The following CFAP299 variants were observed in gnomAD, a reference collection of about 807,000 sequenced individuals.
The protein encoded by CFAP299 is cilia and flagella associated protein 299.
In CFAP299, 21 loss-of-function variants were observed where a neutral mutation model predicts 27.0. The ratio of observed to expected loss-of-function variants is 0.78; its 90% CI spans 0.55 to 1.12. The LOEUF (loss-of-function observed/expected upper bound fraction) is 1.12. Ranked by LOEUF, CFAP299 falls within the 50% of genes most tolerant of loss-of-function variation. The pLI is 0.00. For synonymous variants in CFAP299, 104 were observed against 98.1 expected, an observed-to-expected ratio of 1.06 and a Z score of -0.36; for missense variants, 310 against 276.6, an observed-to-expected ratio of 1.12 and a Z score of -0.86.
chr4:80,440,525 G>A (rs1728307752), intron 2 of CFAP299, among the ~76,000 whole-genome samples: 1 of 152,096 alleles, frequency 6.6e-6, no homozygotes, highest in Non-Finnish European at 1.5e-5. Context: ...CAAAAAGGAT[G>A]CCCACGCAAA....
chr4:80,902,586 TACACACACAC>T (rs3038572), intron 4 of CFAP299, among the ~76,000 whole-genome samples: 60 of 126,694 alleles, frequency 4.7e-4, no homozygotes, highest in South Asian at 2.7e-3. Context: ...ATGTAATATA[TACACACACAC>T]ACACACACAC....
intron 2 of CFAP299, chr4:80,386,886 A>G (rs1725038963): frequency 1.2e-6 from 1 of 847,010 alleles, no homozygotes; most frequent in African/African-American, 1.6e-5. Context: ...GGACTCGCAC[A>G]CCGAGCATTT....
chr4:80,401,760 C>A (rs1252483229), intron 2 of CFAP299, among the ~76,000 whole-genome samples: 1 of 152,142 alleles, frequency 6.6e-6, no homozygotes, highest in Non-Finnish European at 1.5e-5. Context: ...TCCTCCAGTT[C>A]CCAGAATCGT....
chr4:80,391,292 A>G (rs1385340688), intron 2 of CFAP299, among the ~76,000 whole-genome samples: 1 of 152,142 alleles, frequency 6.6e-6, no homozygotes, highest in Admixed American at 6.6e-5. Context: ...GAGAATCTTC[A>G]TAGTATTTTG....
rs756154032 is a variant in CFAP299, at chr4:80,944,971, T to G, written c.606+32T>G. The G allele has an allele frequency of 5.1e-6, 8 of 1,580,356 alleles. No individual in the cohort carries two copies. The East Asian group carries it at 1.8e-4, about 35-fold the overall frequency. On this transcript the variant is annotated intron_variant, in intron 5 of 5. Coordinates refer to ENST00000358105, the MANE Select transcript of CFAP299 (RefSeq NM_152770.3). ...CTTCTTTTACACTTAGTTAGTTACC[T>G]CTTCACATGTTATTGTATTTCTGCC...
rs180821844 is a variant in CFAP299 at position 80,707,341 on chromosome 4, T to A, written c.333+124158T>A. Among the ~76,000 whole-genome samples the A allele has an allele frequency of 1.2e-3, 177 of 152,088 alleles. 1 individual carries two copies. The highest frequency in any genetic ancestry group is 3.4e-3 in the Middle Eastern group (1 of 294). ...AGAATATTTTATGACACATGAAAATTATATTCAAATTTCAGTGTCCATAAA... is the reference window on the plus strand; with the variant it reads ...AGAATATTTTATGACACATGAAAATAATATTCAAATTTCAGTGTCCATAAA... On this transcript the variant is annotated intron_variant, in intron 3 of 5. Transcript: ENST00000358105.
intron 3 of CFAP299, among the ~76,000 whole-genome samples, chr4:80,737,093 C>G (rs1036952273): frequency 6.8e-6 from 1 of 146,754 alleles, no homozygotes; most frequent in African/African-American, 2.5e-5. Context: ...TATTCTCACT[C>G]ATAGGTGGGA....
intron 2 of CFAP299, among the ~76,000 whole-genome samples, chr4:80,573,185 C>T (rs531146707): frequency 6.6e-6 from 1 of 152,170 alleles, no homozygotes; most frequent in South Asian, 2.1e-4. Flanking sequence ...GAGATGATAT[C>T]TCATTATAGT....
At chr4:80,665,754 G>A (rs1450326570) in intron 3 of CFAP299, among the ~76,000 whole-genome samples, 1 of 152,122 alleles carries the variant, frequency 6.6e-6, no homozygotes, top group Non-Finnish European at 1.5e-5. Flanking sequence ...AGGGCCTAGG[G>A]TGAAGTGATT....
chr4:80,457,135 A>G (rs1430574862), intron 2 of CFAP299, among the ~76,000 whole-genome samples: 1 of 152,196 alleles, frequency 6.6e-6, no homozygotes, highest in African/African-American at 2.4e-5. Flanking sequence ...TTCAAATACA[A>G]CTTTGAAGTA....
intron 3 of CFAP299, among the ~76,000 whole-genome samples, chr4:80,618,611 A>G (rs948664994): frequency 1.3e-5 from 2 of 152,150 alleles, no homozygotes; most frequent in African/African-American, 4.8e-5. Context: ...ATACGTAAAA[A>G]TCATATAAAA....
At chr4:80,609,005 A>G (rs1737828708) in intron 3 of CFAP299, among the ~76,000 whole-genome samples, 1 of 152,132 alleles carries the variant, frequency 6.6e-6, no homozygotes, top group African/African-American at 2.4e-5. Context: ...CCTACATTTA[A>G]CTTTATTTTA....
At chr4:80,709,039 T>G (rs533918108) in intron 3 of CFAP299, among the ~76,000 whole-genome samples, 2 of 152,284 alleles carry the variant, frequency 1.3e-5, no homozygotes, top group Admixed American at 1.3e-4. Flanking sequence ...ATACTGTGGC[T>G]GTTAACATTT....
intron 3 of CFAP299, among the ~76,000 whole-genome samples, chr4:80,841,772 T>G (rs1402141468): frequency 6.6e-6 from 1 of 152,030 alleles, no homozygotes; most frequent in Non-Finnish European, 1.5e-5. Flanking sequence ...CTAAACCACA[T>G]GAAAGATTTT....
Position 80,386,697 on chromosome 4 carries a change from T to A in CFAP299, c.242+23813T>A, listed in dbSNP as rs538745694. ...TGGGCACGGCGGCTGAAGGACCTGC[T>A]GCACAGGGCGCATTTGTGGAGCTTC... On this transcript the variant is annotated intron_variant, in intron 2 of 5. Coordinates refer to ENST00000358105, the MANE Select transcript of CFAP299 (RefSeq NM_152770.3). The A allele has an allele frequency of 9.5e-6, 15 of 1,576,590 alleles. No individual in the cohort carries two copies. The African/African-American group carries it at 1.9e-4, about 20-fold the overall frequency.
intron 3 of CFAP299, among the ~76,000 whole-genome samples, chr4:80,723,585 G>A (rs1722966979): frequency 6.6e-6 from 1 of 152,088 alleles, no homozygotes; most frequent in Non-Finnish European, 1.5e-5. Context: ...GTGAAGAGGT[G>A]AGAAGAAGAT....
chr4:80,801,182 A>G (rs1160787679), intron 3 of CFAP299, among the ~76,000 whole-genome samples: 1 of 149,858 alleles, frequency 6.7e-6, no homozygotes, highest in African/African-American at 2.5e-5. Flanking sequence ...CCATCACACT[A>G]TGGTTTTTTT....
chr4:80,633,137 C>T (rs1739298125), intron 3 of CFAP299, among the ~76,000 whole-genome samples: 1 of 152,230 alleles, frequency 6.6e-6, no homozygotes, highest in African/African-American at 2.4e-5. Flanking sequence ...AATTAGTACC[C>T]TCCTCTTTTA....
Position 80,450,962 on chromosome 4 carries a change from A to C in CFAP299, c.242+88078A>C, listed in dbSNP as rs371089054. 5.9e-5 allele frequency among the ~76,000 whole-genome samples: 9 copies of C among 151,436 alleles called. No homozygotes were observed. The East Asian group carries it at 1.6e-3, about 26-fold the overall frequency. On this transcript the variant is annotated intron_variant, in intron 2 of 5. Coordinates refer to ENST00000358105, the MANE Select transcript of CFAP299 (RefSeq NM_152770.3). ...GTGTGAGAGGAGGGGCCTCTCAACAATTTTGTACCCAGCCCTGTAGGTAGC... is the reference window on the plus strand; with the variant it reads ...GTGTGAGAGGAGGGGCCTCTCAACACTTTTGTACCCAGCCCTGTAGGTAGC...
Sources: gnomAD v4.1 joint callset for allele counts (sites outside exome capture counted in the v4.1 genomes callset) on GRCh38, gnomAD v4.1.1 for gene constraint, MANE v1.5 for transcripts, NCBI Gene and HGNC (gene_info 2026-07-23, HGNC 2026-07-21) for gene names.